UNC5C: variants seen among roughly 807,000 people sequenced by gnomAD.
The protein encoded by UNC5C is netrin receptor UNC5C.
UNC5C carries 47 observed loss-of-function variants against 99.8 expected under a neutral mutation model. The ratio of observed to expected loss-of-function variants is 0.47; its 90% CI spans 0.37 to 0.60. The LOEUF is 0.60. Among genes scored for constraint, UNC5C ranks in the 20% least tolerant of loss-of-function variants. The pLI is 0.00. For missense variants in UNC5C, 1,062 were observed against 1,165.9 expected, an observed-to-expected ratio of 0.91 and a Z score of 1.30; for synonymous variants, 487 against 452.2, an observed-to-expected ratio of 1.08 and a Z score of -0.98.
intron 3 of UNC5C, among the ~76,000 whole-genome samples, chr4:95,287,586 C>T (rs1741280117): frequency 6.6e-6 from 1 of 152,180 alleles, no homozygotes; most frequent in South Asian, 2.1e-4. Context: ...GCTCGTGTGT[C>T]TATACCTAAC....
chr4:95,430,823 G>A lies in UNC5C; in HGVS notation c.125-95192C>T, dbSNP rs879850765. Reference sequence around the variant, plus strand: ...CCAAGACTATATGCAGCCTAAGAACGTGAAAGAACCCATGAATGGTGGTGA... The same window carrying A: ...CCAAGACTATATGCAGCCTAAGAACATGAAAGAACCCATGAATGGTGGTGA... On this transcript the variant is annotated intron_variant, in intron 1 of 15. Transcript: ENST00000453304. Among the ~76,000 whole-genome samples the A allele has an allele frequency of 6.7e-4, 102 of 152,138 alleles. 1 individual carries two copies. Among genetic ancestry groups the A allele is most frequent in the Admixed American group, 1.6e-3 (24 of 15,266 alleles).
chr4:95,535,872 T>C (rs959219852), intron 1 of UNC5C, among the ~76,000 whole-genome samples: 3 of 151,648 alleles, frequency 2.0e-5, no homozygotes, highest in Admixed American at 2.0e-4. Flanking sequence ...TCTCTAGCAA[T>C]TAAAGAAAGA....
intron 1 of UNC5C, among the ~76,000 whole-genome samples, chr4:95,447,854 G>A (rs907479217): frequency 6.6e-6 from 1 of 152,110 alleles, no homozygotes; most frequent in Non-Finnish European, 1.5e-5. Context: ...ATAGTCTACC[G>A]TAAGGCAGAC....
intron 1 of UNC5C, among the ~76,000 whole-genome samples, chr4:95,545,541 CAT>C (rs1254785115): frequency 6.6e-6 from 1 of 151,034 alleles, no homozygotes; most frequent in Non-Finnish European, 1.5e-5. Context: ...TGTAGGAAGA[CAT>C]ATGTTATTTA....
chr4:95,434,755 C>G (rs1191678155), intron 1 of UNC5C, among the ~76,000 whole-genome samples: 1 of 151,990 alleles, frequency 6.6e-6, no homozygotes, highest in Admixed American at 6.6e-5. Flanking sequence ...TGGTCTCCTT[C>G]TTGAATATCC....
At position 95,219,332 on chromosome 4, in the gene UNC5C, A is replaced by G. The variant is rs748010959; in HGVS notation, c.1301-19T>C. 8 of 1,603,856 alleles carry G rather than the reference A, an allele frequency of 5.0e-6. No homozygotes were observed. The Admixed American group carries it at 1.3e-4, about 27-fold the overall frequency. On this transcript the variant is annotated intron_variant, in intron 8 of 15. Transcript: ENST00000453304. The stretch of plus-strand genomic sequence containing the variant: ...AGCAGATCTGAGTCAGAAAGAGAAA[A>G]TAATCCCATTGGCATTCTCCATTCA...
intron 7 of UNC5C, among the ~76,000 whole-genome samples, chr4:95,237,050 A>T (rs1402486162): frequency 6.6e-6 from 1 of 152,142 alleles, no homozygotes; most frequent in Non-Finnish European, 1.5e-5. Context: ...TATACTTTAA[A>T]CCATCTCTAG....
chr4:95,460,139 T>C (rs1053025860), intron 1 of UNC5C, among the ~76,000 whole-genome samples: 5 of 151,448 alleles, frequency 3.3e-5, no homozygotes, highest in African/African-American at 1.2e-4. Context: ...TCCACTGGGA[T>C]TGTCTGTGGG....
chr4:95,392,416 TG>T (rs1430598535), intron 1 of UNC5C, among the ~76,000 whole-genome samples: 1 of 140,020 alleles, frequency 7.1e-6, no homozygotes, highest in Non-Finnish European at 1.5e-5. Flanking sequence ...TTTAAGAGTT[TG>T]AAGTATCAAA....
chr4:95,402,047 T>G (rs1745717291), intron 1 of UNC5C, among the ~76,000 whole-genome samples: 1 of 152,222 alleles, frequency 6.6e-6, no homozygotes, highest in South Asian at 2.1e-4. Context: ...ACATATCAAT[T>G]ATCTAGTTTT....
chr4:95,439,409 C>G (rs1358938286), intron 1 of UNC5C, among the ~76,000 whole-genome samples: 1 of 148,108 alleles, frequency 6.8e-6, no homozygotes, highest in Non-Finnish European at 1.5e-5. Flanking sequence ...TTCCTCTTCT[C>G]CTTCTTATGT....
chr4:95,339,522 TA>T (rs892829236), intron 1 of UNC5C, among the ~76,000 whole-genome samples: 4 of 151,752 alleles, frequency 2.6e-5, no homozygotes, highest in Non-Finnish European at 5.9e-5. Flanking sequence ...CTTGGAGCTA[TA>T]AAAAAATTGA....
chr4:95,171,297 TATGTATAC>T (rs1736093152), intron 14 of UNC5C, among the ~76,000 whole-genome samples: 2 of 151,884 alleles, frequency 1.3e-5, no homozygotes, highest in Admixed American at 1.3e-4. Flanking sequence ...GTTAGTTACA[TATGTATAC>T]ACGTGCCATG....
rs374615625 is a variant in UNC5C, at chr4:95,256,339, C to T, written c.595-5672G>A. On this transcript the variant is annotated intron_variant, in intron 4 of 15. Coordinates refer to ENST00000453304, the MANE Select transcript of UNC5C (RefSeq NM_003728.4). ...TGACCTCCTGAACCGCCTTTCCAAA[C>T]CTGCTCCTCTCACAGTCTTATGCAC... 8.3e-4 allele frequency among the ~76,000 whole-genome samples: 126 copies of T among 152,222 alleles called. 1 individual carries two copies. Among genetic ancestry groups the T allele is most frequent in the Middle Eastern group, 3.4e-3 (1 of 294 alleles).
chr4:95,190,342 G>T (rs547908965), intron 12 of UNC5C, among the ~76,000 whole-genome samples: 20 of 151,788 alleles, frequency 1.3e-4, no homozygotes, highest in Admixed American at 1.3e-3. Flanking sequence ...GACTGTTGTG[G>T]GGTGGGGGGA....
chr4:95,526,678 C>T (rs1722505153), intron 1 of UNC5C, among the ~76,000 whole-genome samples: 1 of 151,754 alleles, frequency 6.6e-6, no homozygotes, highest in Non-Finnish European at 1.5e-5. Context: ...ATATTCTAAA[C>T]ATTGTATAAT....
At chr4:95,413,130 T>C (rs532275397) in intron 1 of UNC5C, among the ~76,000 whole-genome samples, 17 of 152,210 alleles carry the variant, frequency 1.1e-4, no homozygotes, top group Non-Finnish European at 2.1e-4. Flanking sequence ...CAAACTCATA[T>C]GCCAAAGCCC....
intron 1 of UNC5C, among the ~76,000 whole-genome samples, chr4:95,538,296 C>T (rs1052487863): frequency 5.3e-5 from 8 of 152,162 alleles, no homozygotes; most frequent in Admixed American, 3.9e-4. Flanking sequence ...TTAATGTCAG[C>T]GGGGTTATGT....
At chr4:95,512,052 T>C (rs532392064) in intron 1 of UNC5C, among the ~76,000 whole-genome samples, 4 of 151,850 alleles carry the variant, frequency 2.6e-5, no homozygotes, top group African/African-American at 9.7e-5. Context: ...GCACTGTAAG[T>C]GGAATATGGA....
Sources: allele counts gnomAD v4.1 joint callset (sites outside exome capture counted in the v4.1 genomes callset), GRCh38; gene constraint gnomAD v4.1.1; transcripts MANE v1.5; gene names NCBI Gene and HGNC (gene_info 2026-07-23, HGNC 2026-07-21).